Variants in TSNAXIP1 observed in about 807,000 individuals in gnomAD.
The protein encoded by TSNAXIP1 is translin associated factor X interacting protein 1, also known as translin-associated factor X-interacting protein 1.
In TSNAXIP1, 89 loss-of-function variants were observed where a neutral mutation model predicts 84.8. The observed-to-expected ratio is 1.05, with a 90% CI of 0.88 to 1.25. The LOEUF (loss-of-function observed/expected upper bound fraction) is 1.25, where lower values mean the gene tolerates loss of function less well. TSNAXIP1 is among the 50% of genes most tolerant of loss of function. The probability of loss-of-function intolerance (pLI) is 0.00; values close to 1 mark genes in which losing one functional copy is unlikely to be tolerated. For synonymous variants in TSNAXIP1, 347 were observed against 335.2 expected (o/e 1.04, Z -0.39); for missense variants, 874 against 887.6 (o/e 0.98, Z 0.20).
chr16:67,824,959 A>G (rs772594404), intron 6 of TSNAXIP1, among the ~76,000 whole-genome samples, 178 bp from the exon 7 acceptor site: 5 of 152,044 alleles, frequency 3.3e-5, no homozygotes, highest in Non-Finnish European at 7.3e-5. Context: ...CTTTCCCCAC[A>G]GGGGGAAACA....
At position 67,826,518 on chromosome 16, in the gene TSNAXIP1, A is replaced by C. The variant is rs746298999; in HGVS notation, c.1357A>C (p.Asn453His). Residue 453 changes from asparagine (N) to histidine (H), a missense_variant, in exon 11 of 16, where the codon AAC becomes CAC. By Grantham distance (68) the Asn-to-His change is moderately conservative (BLOSUM62 1). Coordinates refer to ENST00000561639, the MANE Select transcript of TSNAXIP1 (RefSeq NM_001288990.3). Reference protein sequence around the residue: ...NKKPSKKDVVNLLKDAWKERL... With the variant: ...NKKPSKKDVVHLLKDAWKERL... Reference sequence around the variant, plus strand: ...GAAGCCAAGCAAGAAGGACGTGGTCAACCTCCTCAAGGATGCCTGGAAGGA... The same window carrying C: ...GAAGCCAAGCAAGAAGGACGTGGTCCACCTCCTCAAGGATGCCTGGAAGGA... The C allele has an allele frequency of 2.5e-6, 4 of 1,614,146 alleles. No homozygotes were observed. In the South Asian group the frequency reaches 4.4e-5, roughly 18 times the overall value.
chr16:67,818,076 G>A (rs902076648), intron 2 of TSNAXIP1, among the ~76,000 whole-genome samples: 5 of 151,336 alleles, frequency 3.3e-5, no homozygotes, highest in African/African-American at 1.2e-4. Flanking sequence ...GGGCGTGGTG[G>A]CATGCGCCTG....
chr16:67,811,010 C>T (rs1250337446), intron 1 of TSNAXIP1, among the ~76,000 whole-genome samples: 2 of 151,046 alleles, frequency 1.3e-5, no homozygotes, highest in East Asian at 1.9e-4. Context: ...TTCTGGAGAA[C>T]GGGGTCTCGC....
At chr16:67,811,767 T>C (rs1253287154) in intron 1 of TSNAXIP1, among the ~76,000 whole-genome samples, 2 of 151,918 alleles carry the variant, frequency 1.3e-5, no homozygotes, top group Non-Finnish European at 2.9e-5. Context: ...GATAAGAAGG[T>C]ATTGATTTAA....
In TSNAXIP1 at chr16:67,812,177, TG is replaced by T. The variant is rs112757131; in HGVS notation, c.48-2123del. ...ACATAAATCACACACCCCCACCCCA[TG>T]GATTGTTGGAATTACTTCTTCCTTT... On this transcript the variant is annotated intron_variant, in intron 1 of 15. Coordinates refer to ENST00000561639, the MANE Select transcript of TSNAXIP1 (RefSeq NM_001288990.3). 9.7e-3 allele frequency among the ~76,000 whole-genome samples: 1,469 copies of T among 152,076 alleles called. 21 individuals carry two copies. The highest frequency in any genetic ancestry group is 0.033 in the African/African-American group (1,370 of 41,470).
Position 67,825,768 on chromosome 16 carries a change from T to G in TSNAXIP1, c.916T>G (p.Phe306Val), listed in dbSNP as rs1409467996. The G allele has an allele frequency of 6.2e-7, 1 of 1,613,874 alleles. No homozygotes were observed. The highest frequency in any genetic ancestry group is 2.2e-5 in the East Asian group (1 of 44,864). ...QMELNNMKAN[F>V]GDVVPRRDFE... is the part of the protein sequence containing the mutation. ...GGAACTCAACAACATGAAGGCCAAC[T>G]TTGGAGATGTGGTCCCCAGGAGGGA... Residue 306 changes from phenylalanine to valine, a missense_variant, in exon 8 of 16, where the codon TTT becomes GTT. Physicochemically the swap from Phe to Val is conservative, Grantham distance 50. Coordinates refer to ENST00000561639, the MANE Select transcript of TSNAXIP1 (RefSeq NM_001288990.3).
intron 1 of TSNAXIP1, among the ~76,000 whole-genome samples, chr16:67,811,276 T>C (rs926682561): frequency 3.9e-5 from 6 of 152,124 alleles, no homozygotes; most frequent in African/African-American, 1.4e-4. Context: ...TTTATAATGT[T>C]GTCTCCTTTG....
At chr16:67,827,221 CCT>C (rs769989779) in intron 13 of TSNAXIP1, 26 bp from the exon 14 acceptor site, 4 of 1,613,562 alleles carry the variant, frequency 2.5e-6, no homozygotes, top group Admixed American at 1.7e-5. Flanking sequence ...TCAGCAGGTC[CCT>C]GTTGGCCCTC....
rs552080587 is a variant in TSNAXIP1, at chr16:67,809,013, C to T, written c.47+1817C>T. On this transcript the variant is annotated intron_variant, in intron 1 of 15. Transcript: ENST00000561639. ...ACCAGCCTGGGAAACATAGTAAGAC[C>T]CTGTCCCTACAAATAATAATAATAA... is the stretch of plus-strand genomic sequence containing the variant. Among the ~76,000 whole-genome samples, 23 of 146,968 alleles carry T rather than the reference C, an allele frequency of 1.6e-4. 1 individual carries two copies. In the South Asian group the frequency reaches 3.7e-3, roughly 24 times the overall value.
intron 13 of TSNAXIP1, 64 bp downstream of exon 13, chr16:67,827,136 G>C: frequency 6.2e-7 from 1 of 1,606,092 alleles, no homozygotes. Context: ...GTAGGGAAAA[G>C]GGGCACCTGG....
chr16:67,817,162 T>A (rs2056635503), intron 2 of TSNAXIP1, among the ~76,000 whole-genome samples: 1 of 149,876 alleles, frequency 6.7e-6, no homozygotes, highest in Non-Finnish European at 1.5e-5. Context: ...TGTTTTTTGT[T>A]TTTTTGAAAC....
rs141871311 is a variant in TSNAXIP1, at chr16:67,808,573, C to CA, written c.47+1391dup. Among the ~76,000 whole-genome samples the CA allele has an allele frequency of 1.1e-3, 147 of 134,296 alleles. 2 individuals are homozygous for CA. Among genetic ancestry groups the CA allele is most frequent in the Middle Eastern group, 4.0e-3 (1 of 252 alleles). 88.1% of individuals were successfully genotyped at this position (134,296 alleles called of 152,430 possible). On this transcript the variant is annotated intron_variant, in intron 1 of 15. Coordinates refer to ENST00000561639, the MANE Select transcript of TSNAXIP1 (RefSeq NM_001288990.3). The stretch of plus-strand genomic sequence containing the variant: ...TGGGCAACAGAGCGAGACTACGTCT[C>CA]AAAAAAAAAAAAAATTTAGCCGGGC...
intron 5 of TSNAXIP1, 127 bp from the exon 6 acceptor site, chr16:67,824,456 T>G (rs974115813): frequency 2.3e-6 from 2 of 879,416 alleles, no homozygotes; most frequent in South Asian, 3.5e-5. Flanking sequence ...ACCATGGCTT[T>G]GAACAAGGCA....
rs146689075 is a variant in TSNAXIP1, at chr16:67,827,556, A to G, written c.1875A>G (p.Leu625=). ...MDEKDEYLQQ[L]KQELGIELHE... ...AGAAGGACGAGTACTTACAGCAGCT[A>G]AAGCAGGAGCTTGGCATAGAACTGT... The change falls in exon 15 of 16, where the codon CTA becomes CTG. Residue 625 remains leucine (L), a synonymous_variant. Transcript: ENST00000561639. 3.1e-6 allele frequency: 5 copies of G among 1,613,718 alleles called. No individual in the cohort carries two copies. Among genetic ancestry groups the G allele is most frequent in the African/African-American group, 2.7e-5 (2 of 74,924 alleles).
Position 67,819,216 on chromosome 16 carries a change from C to T in TSNAXIP1, c.148-1623C>T, listed in dbSNP as rs182018380. Among the ~76,000 whole-genome samples, 625 of 151,312 alleles carry T rather than the reference C, an allele frequency of 4.1e-3. 1 individual carries two copies. Among genetic ancestry groups the T allele is most frequent in the Non-Finnish European group, 4.5e-3 (308 of 67,862 alleles). ...AAATACATACATATAAACATACATA[C>T]ATAAATAATTACATCCATTTTGATA... On this transcript the variant is annotated intron_variant, in intron 2 of 15. Transcript: ENST00000561639.
intron 2 of TSNAXIP1, among the ~76,000 whole-genome samples, chr16:67,815,597 T>G (rs2056476698): frequency 6.6e-6 from 1 of 152,130 alleles, no homozygotes; most frequent in Non-Finnish European, 1.5e-5. Flanking sequence ...CCTCCCATGC[T>G]GAACCAATCC....
chr16:67,820,574 G>A (rs552053149), intron 2 of TSNAXIP1, among the ~76,000 whole-genome samples: 2 of 152,100 alleles, frequency 1.3e-5, no homozygotes, highest in Admixed American at 6.6e-5. Flanking sequence ...GTGAAACCAC[G>A]TCTCTACTAA....
Position 67,823,650 on chromosome 16 carries a change from T to G in TSNAXIP1, c.412T>G (p.Phe138Val), listed in dbSNP as rs1370640279. The change falls in exon 5 of 16, where the codon TTC becomes GTC. Residue 138 changes from phenylalanine (F) to valine (V), a missense_variant. Transcript: ENST00000561639. The part of the protein sequence containing the change: ...LQPYREIFEF[F>V]IEDFKTYKPL... ...GCCTTACAGAGAGATCTTTGAGTTC[T>G]TCATAGAGGACTTCAAAACGTACAA... 1 of 1,613,880 alleles carries G rather than the reference T, an allele frequency of 6.2e-7. No individual in the cohort carries two copies. The highest frequency in any genetic ancestry group is 2.2e-5 in the East Asian group (1 of 44,864).
In TSNAXIP1 at chr16:67,825,924, C is replaced by A. The variant is rs1567774073; in HGVS notation, c.992C>A (p.Thr331Asn). The change falls in exon 9 of 16, where the codon ACC becomes AAC. Residue 331 changes from threonine to asparagine, a missense_variant. By Grantham distance (65) the Thr-to-Asn change is moderately conservative. Transcript: ENST00000561639. ...TNKDLQEQLD[T>N]LRASYEEVRK... is the part of the protein sequence containing the mutation. ...CAATGTCCTTGCCCACAGCTGGACA[C>A]CCTGAGAGCCAGCTACGAGGAGGTT... is the stretch of plus-strand genomic sequence containing the variant. 6.2e-7 allele frequency: 1 copy of A among 1,614,080 alleles called. No homozygotes were observed. The highest frequency in any genetic ancestry group is 8.5e-7 in the Non-Finnish European group (1 of 1,180,010).
Sources: allele counts gnomAD v4.1 joint callset (sites outside exome capture counted in the v4.1 genomes callset), GRCh38; gene constraint gnomAD v4.1.1; transcripts MANE v1.5; gene names NCBI Gene and HGNC (gene_info 2026-07-23, HGNC 2026-07-21).